The following PAPPA2 variants were observed in gnomAD, a reference collection of about 807,000 sequenced individuals.
PAPPA2 encodes pappalysin-2.
Under a neutral mutation model 176.4 loss-of-function variants are expected in PAPPA2, and 86 were observed. That is an observed-to-expected ratio of 0.49 (90% CI 0.41 to 0.58). PAPPA2 has a LOEUF of 0.58. PAPPA2 is among the 20% of genes least tolerant of loss of function. PAPPA2 has a pLI of 0.00. For missense variants in PAPPA2, 2,073 were observed against 2,256.9 expected, an observed-to-expected ratio of 0.92 and a Z score of 1.65; for synonymous variants, 809 against 852.2, an observed-to-expected ratio of 0.95 and a Z score of 0.88.
Position 176,540,061 on chromosome 1 carries a change from A to G in PAPPA2, c.-916-15346A>G, listed in dbSNP as rs148961906. Among the ~76,000 whole-genome samples, 385 of 152,242 alleles carry G rather than the reference A, an allele frequency of 2.5e-3. 2 individuals carry two copies. Among genetic ancestry groups the G allele is most frequent in the African/African-American group, 7.7e-3 (318 of 41,538 alleles). ...ATTAGCAAGAAGAAGAAAGGGAGGG[A>G]CCATTTGCTTCTCTCTAGGAATTTC... On this transcript the variant is annotated intron_variant, in intron 1 of 22. Coordinates refer to ENST00000367662, the MANE Select transcript of PAPPA2 (RefSeq NM_020318.3).
At position 176,555,949 on chromosome 1, in the gene PAPPA2, G is replaced by A. The variant is rs1036393385; in HGVS notation, c.-374G>A. On this transcript the variant is annotated 5_prime_UTR_variant, in exon 2 of 23. Transcript: ENST00000367662. ...TCTTCTCTTCTAGTATCAGTGAGGGGAGGGATTACTGAAGAAGAAGGGGGG... is the reference window on the plus strand; with the variant it reads ...TCTTCTCTTCTAGTATCAGTGAGGGAAGGGATTACTGAAGAAGAAGGGGGG... 4.7e-6 allele frequency: 1 copy of A among 211,194 alleles called. No homozygotes were observed. Among genetic ancestry groups the A allele is most frequent in the Non-Finnish European group, 9.5e-6 (1 of 105,416 alleles). The allele number at this position is 211,194 out of a possible 1,614,324, so 13.1% of individuals were successfully genotyped here.
chr1:176,601,100 C>G (rs1573107424), intron 3 of PAPPA2, among the ~76,000 whole-genome samples: 1 of 152,156 alleles, frequency 6.6e-6, no homozygotes, highest in Admixed American at 6.5e-5. Context: ...GTCATGAGAG[C>G]TCTGCCCTCG....
chr1:176,493,529 G>A (rs571909248), intron 1 of PAPPA2, among the ~76,000 whole-genome samples: 17 of 152,164 alleles, frequency 1.1e-4, no homozygotes, highest in Non-Finnish European at 2.2e-4. Flanking sequence ...CCAGTCACAG[G>A]CAATGCTGCT....
chr1:176,726,377 G>T (rs1475980498), intron 12 of PAPPA2, among the ~76,000 whole-genome samples: 1 of 152,126 alleles, frequency 6.6e-6, no homozygotes, highest in Non-Finnish European at 1.5e-5. Flanking sequence ...TCTCGGGACA[G>T]AGGCCATGTG....
At chr1:176,576,201 A>G (rs1322811807) in intron 2 of PAPPA2, among the ~76,000 whole-genome samples, 3 of 152,170 alleles carry the variant, frequency 2.0e-5, no homozygotes, top group South Asian at 2.1e-4. Flanking sequence ...CCAGCAGTGC[A>G]TGAGTGTGCC....
At chr1:176,785,371 T>C (rs1320840977) in intron 17 of PAPPA2, among the ~76,000 whole-genome samples, 1 of 151,920 alleles carries the variant, frequency 6.6e-6, no homozygotes, top group African/African-American at 2.4e-5. Flanking sequence ...TAGAAGGCTG[T>C]GGGTGAGGCT....
At chr1:176,657,039 C>T (rs937868782) in intron 3 of PAPPA2, among the ~76,000 whole-genome samples, 1 of 151,880 alleles carries the variant, frequency 6.6e-6, no homozygotes, top group Non-Finnish European at 1.5e-5. Context: ...TGAACAAGCC[C>T]AGACAGCATT....
chr1:176,690,984 A>C (rs562185444), intron 5 of PAPPA2: 2 of 984,462 alleles, frequency 2.0e-6, no homozygotes, highest in Non-Finnish European at 2.4e-6. Flanking sequence ...GCTGCCTACC[A>C]CCCTTTCCCC....
At chr1:176,743,904 C>A (rs1264854325) in intron 14 of PAPPA2, among the ~76,000 whole-genome samples, 1 of 152,160 alleles carries the variant, frequency 6.6e-6, no homozygotes. Flanking sequence ...GCTGAATCTT[C>A]AAAAGATACA....
chr1:176,655,552 G>A (rs1313832725), intron 3 of PAPPA2, among the ~76,000 whole-genome samples: 1 of 151,724 alleles, frequency 6.6e-6, no homozygotes, highest in Non-Finnish European at 1.5e-5. Flanking sequence ...TGAGCAAAAT[G>A]CACATTAAAT....
At chr1:176,501,000 T>A (rs541427090) in intron 1 of PAPPA2, among the ~76,000 whole-genome samples, 33 of 151,254 alleles carry the variant, frequency 2.2e-4, no homozygotes, top group Non-Finnish European at 4.3e-4. Context: ...AGTTTCCAAA[T>A]GTTAACCATA....
At chr1:176,784,965 T>C (rs1380494604) in intron 17 of PAPPA2, among the ~76,000 whole-genome samples, 1 of 152,110 alleles carries the variant, frequency 6.6e-6, no homozygotes, top group African/African-American at 2.4e-5. Flanking sequence ...CATGAGGGCA[T>C]TGGGAGGACT....
chr1:176,756,411 T>A (rs780008419), intron 14 of PAPPA2, among the ~76,000 whole-genome samples: 9 of 152,206 alleles, frequency 5.9e-5, no homozygotes, highest in Non-Finnish European at 1.0e-4. Flanking sequence ...GTAGGCGGAC[T>A]GGCAAAGTTC....
At chr1:176,755,615 G>A (rs72716897) in intron 14 of PAPPA2, among the ~76,000 whole-genome samples, 166 of 152,306 alleles carry the variant, frequency 1.1e-3, no homozygotes, top group Non-Finnish European at 1.8e-3. Context: ...CCCTTGGAGG[G>A]TACCAGTGAT....
chr1:176,674,602 T>TA (rs143118735), intron 4 of PAPPA2, among the ~76,000 whole-genome samples: 1,615 of 152,274 alleles, frequency 0.011, 23 homozygotes, highest in African/African-American at 0.037. Context: ...TATTCCTTTT[T>TA]ATGGCTGAGT....
rs927889151 is a variant in PAPPA2, at chr1:176,595,168, G to A, written c.1564G>A (p.Glu522Lys). ...QYNGYWPLRGEKVIRYQVVNI... is the reference protein window; with the variant it reads ...QYNGYWPLRGKKVIRYQVVNI... ...CAATGGATACTGGCCCCTTCGGGGA[G>A]AGAAGGTGATACGCTACCAGGTGGT... The change falls in exon 3 of 23, where the codon GAG (glutamate) becomes AAG (lysine). Residue 522 changes from glutamate (E) to lysine (K), a missense_variant. By Grantham distance (56) the Glu-to-Lys change is moderately conservative. This residue lies in a region of PAPPA2 where 1,196 missense variants were observed against 1,330.4 expected (regional missense o/e 0.90). Coordinates refer to ENST00000367662, the MANE Select transcript of PAPPA2 (RefSeq NM_020318.3). 1 of 1,614,230 alleles carries A rather than the reference G, an allele frequency of 6.2e-7. No homozygotes were observed. Among genetic ancestry groups the A allele is most frequent in the Non-Finnish European group, 8.5e-7 (1 of 1,180,048 alleles).
intron 2 of PAPPA2, among the ~76,000 whole-genome samples, chr1:176,568,892 T>C (rs1423127485): frequency 1.3e-5 from 2 of 152,176 alleles, no homozygotes; most frequent in Admixed American, 1.3e-4. Flanking sequence ...CATTTTCAAA[T>C]ACAAAGCAGC....
rs1653849105 is a variant in PAPPA2 at position 176,594,606 on chromosome 1, G to A, written c.1002G>A (p.Arg334=). ...GCTCAGGGAAGGACAAGGGAAAGCG[G>A]GATGCTCGCTTCTTCTTCTCCCTCT... ...GIRSGKDKGK[R]DARFFFSLCT... Residue 334 remains arginine (R), a synonymous_variant, in exon 3 of 23, where the codon CGG becomes CGA. Coordinates refer to ENST00000367662, the MANE Select transcript of PAPPA2 (RefSeq NM_020318.3). 1 of 1,614,046 alleles carries A rather than the reference G, an allele frequency of 6.2e-7. No homozygotes were observed. The highest frequency in any genetic ancestry group is 1.3e-5 in the African/African-American group (1 of 74,922).
intron 17 of PAPPA2, among the ~76,000 whole-genome samples, chr1:176,783,190 G>A (rs973686995): frequency 6.6e-6 from 1 of 152,078 alleles, no homozygotes; most frequent in African/African-American, 2.4e-5. Context: ...TAGTATAGAT[G>A]TATATTTTCC....
Sources: allele counts gnomAD v4.1 joint callset (sites outside exome capture counted in the v4.1 genomes callset), GRCh38; gene constraint gnomAD v4.1.1; regional missense constraint gnomAD v4.1.1; transcripts MANE v1.5; gene names NCBI Gene and HGNC (gene_info 2026-07-23, HGNC 2026-07-21).